The following STK4 variants were observed in gnomAD, a reference collection of about 807,000 sequenced individuals.
The protein encoded by STK4 is serine/threonine kinase 4, also known as serine/threonine-protein kinase 4.
Under a neutral mutation model 64.9 loss-of-function variants are expected in STK4, and 30 were observed. The observed-to-expected ratio is 0.46, with a 90% CI of 0.35 to 0.63. The LOEUF is 0.63. Ranked by LOEUF, STK4 falls within the 20% of genes least tolerant of loss-of-function variation. The pLI is 0.01. For missense variants in STK4, 466 were observed against 598.5 expected (o/e 0.78, Z 2.31); for synonymous variants, 177 against 199.0 (o/e 0.89, Z 0.93).
chr20:45,026,123 C>G (rs1164784118), intron 10 of STK4, among the ~76,000 whole-genome samples: 1 of 133,918 alleles, frequency 7.5e-6, no homozygotes, highest in African/African-American at 3.2e-5. Flanking sequence ...CTTACTTATC[C>G]AGTGGTTTTT....
chr20:45,007,736 G>A (rs961621702), intron 9 of STK4: 5 of 390,332 alleles, frequency 1.3e-5, no homozygotes, highest in Non-Finnish European at 2.0e-5. Context: ...TTGTTTGTTC[G>A]AAACAATTGT....
At chr20:45,023,684 CT>C (rs1366679004) in intron 9 of STK4, among the ~76,000 whole-genome samples, 3 of 152,176 alleles carry the variant, frequency 2.0e-5, no homozygotes, top group Non-Finnish European at 4.4e-5. Flanking sequence ...ATTCTTTCTG[CT>C]CTTGTTACTA....
At position 45,070,177 on chromosome 20, in the gene STK4, T is replaced by C. The variant is rs948094329; in HGVS notation, c.1306-4841T>C. On this transcript the variant is annotated intron_variant, in intron 10 of 10. Coordinates refer to ENST00000372806, the MANE Select transcript of STK4 (RefSeq NM_006282.5). The stretch of plus-strand genomic sequence containing the variant: ...AAAGAGGGAGTAATAGATTATGAAG[T>C]TGGAGGGGAGGCAGGGGCCAGCCAT... 2.4e-4 allele frequency among the ~76,000 whole-genome samples: 36 copies of C among 151,956 alleles called. 1 individual carries two copies. Among genetic ancestry groups the C allele is most frequent in the African/African-American group, 8.7e-4 (36 of 41,354 alleles).
At position 44,999,703 on chromosome 20, in the gene STK4, C is replaced by T. The variant is rs185561098; in HGVS notation, c.832-689C>T. Among the ~76,000 whole-genome samples, 3 of 152,252 alleles carry T rather than the reference C, an allele frequency of 2.0e-5. No individual in the cohort carries two copies. The East Asian group carries it at 5.8e-4, about 29-fold the overall frequency. ...GATTGAATAATATTTGGGTCAAAAT[C>T]TGTTACATATATATGATCAGTTTTA... On this transcript the variant is annotated intron_variant, in intron 7 of 10. Coordinates refer to ENST00000372806, the MANE Select transcript of STK4 (RefSeq NM_006282.5).
chr20:45,058,692 G>A (rs971306175), intron 10 of STK4, among the ~76,000 whole-genome samples: 1 of 152,092 alleles, frequency 6.6e-6, no homozygotes, highest in Admixed American at 6.5e-5. Context: ...GACATAGCTC[G>A]CAGGGTTTCT....
At chr20:45,019,878 A>G (rs576662856) in intron 9 of STK4, among the ~76,000 whole-genome samples, 117 of 152,250 alleles carry the variant, frequency 7.7e-4, no homozygotes, top group African/African-American at 1.9e-3. Context: ...ACACTTTTCA[A>G]CCTGACAAGC....
At chr20:45,004,431 A>G (rs1244293404) in intron 9 of STK4, 1 of 151,650 alleles carries the variant, frequency 6.6e-6, no homozygotes, top group Admixed American at 6.6e-5. Flanking sequence ...CTCCACTCCC[A>G]CTGTTTCACT....
intron 10 of STK4, among the ~76,000 whole-genome samples, chr20:45,034,769 T>C (rs1180108580): frequency 2.0e-5 from 3 of 151,828 alleles, no homozygotes; most frequent in Non-Finnish European, 2.9e-5. Context: ...GAAAAAAAAT[T>C]AGCTGGGCTT....
intron 9 of STK4, among the ~76,000 whole-genome samples, chr20:45,002,448 A>G (rs796660156): frequency 1.3e-5 from 2 of 152,222 alleles, no homozygotes; most frequent in South Asian, 4.1e-4. Context: ...CATGAAGAGA[A>G]CTGTTTAAAA....
Position 45,022,351 on chromosome 20 carries a change from G to T in STK4, c.1148-2622G>T, listed in dbSNP as rs566729487. On this transcript the variant is annotated intron_variant, in intron 9 of 10. Coordinates refer to ENST00000372806, the MANE Select transcript of STK4 (RefSeq NM_006282.5). ...AGGTCCCTGGTATTGATATCAGAAG[G>T]TAAAAGCAAATACATTTTAGATAGA... 4.5e-4 allele frequency among the ~76,000 whole-genome samples: 68 copies of T among 152,214 alleles called. 1 individual carries two copies. In the Middle Eastern group the frequency reaches 0.024, roughly 53 times the overall value.
intron 4 of STK4, among the ~76,000 whole-genome samples, chr20:44,986,306 A>G (rs950420004): frequency 1.3e-5 from 2 of 152,196 alleles, no homozygotes; most frequent in Admixed American, 6.5e-5. Flanking sequence ...GCAGATTACA[A>G]ACTGAGGAAG....
intron 9 of STK4, among the ~76,000 whole-genome samples, chr20:45,003,334 G>A (rs2067874746): frequency 6.6e-6 from 1 of 152,156 alleles, no homozygotes; most frequent in South Asian, 2.1e-4. Context: ...CCAGGTACAA[G>A]CCTGGGGCTC....
intron 1 of STK4, among the ~76,000 whole-genome samples, chr20:44,970,255 A>AT (rs972856463): frequency 1.3e-5 from 2 of 150,236 alleles, no homozygotes; most frequent in African/African-American, 4.9e-5. Flanking sequence ...AGAAAAAAAA[A>AT]GTTTGTCAAA....
At chr20:44,978,944 A>C (rs989430719) in intron 3 of STK4, among the ~76,000 whole-genome samples, 2 of 151,964 alleles carry the variant, frequency 1.3e-5, no homozygotes, top group African/African-American at 4.8e-5. Context: ...GACTACAGGC[A>C]TGTGCCACTA....
chr20:45,064,024 G>A (rs940380321), intron 10 of STK4, among the ~76,000 whole-genome samples: 1 of 151,796 alleles, frequency 6.6e-6, no homozygotes, highest in Non-Finnish European at 1.5e-5. Context: ...TAGCCAGGAT[G>A]GTCTCGATCT....
At chr20:44,983,978 CA>C (rs1051452556) in intron 4 of STK4, among the ~76,000 whole-genome samples, 17 of 151,898 alleles carry the variant, frequency 1.1e-4, no homozygotes, top group African/African-American at 3.9e-4. Context: ...AAAGAAGTTC[CA>C]AAACTGGAAT....
At chr20:44,978,237 A>G (rs558939874) in intron 2 of STK4, among the ~76,000 whole-genome samples, 1 of 152,346 alleles carries the variant, frequency 6.6e-6, no homozygotes, top group East Asian at 1.9e-4. Context: ...ACAGTTTTGA[A>G]TGTGAAGCTT....
chr20:44,971,862 G>A (rs980745822), intron 1 of STK4, among the ~76,000 whole-genome samples: 2 of 151,552 alleles, frequency 1.3e-5, no homozygotes, highest in Admixed American at 6.6e-5. Flanking sequence ...TAGTGGAGAC[G>A]GGGTTTCACC....
chr20:44,973,830 T>G (rs754463371), intron 2 of STK4, among the ~76,000 whole-genome samples: 1 of 152,228 alleles, frequency 6.6e-6, no homozygotes, highest in Non-Finnish European at 1.5e-5. Context: ...AGTATAGTGC[T>G]TATCACAATA....
Sources: allele counts gnomAD v4.1 joint callset (sites outside exome capture counted in the v4.1 genomes callset), GRCh38; gene constraint gnomAD v4.1.1; transcripts MANE v1.5; gene names NCBI Gene and HGNC (gene_info 2026-07-23, HGNC 2026-07-21).